The following HEATR1 variants were observed in gnomAD, a reference collection of about 807,000 sequenced individuals.
The protein encoded by HEATR1 is HEAT repeat containing 1, also known as HEAT repeat-containing protein 1.
A neutral mutation model predicts 248.2 loss-of-function variants in HEATR1; 77 were observed. That is an observed-to-expected ratio of 0.31 (90% CI 0.26 to 0.37). The LOEUF (loss-of-function observed/expected upper bound fraction) is 0.37, where lower values mean the gene tolerates loss of function less well. HEATR1 is among the 10% of genes least tolerant of loss of function. The pLI, the probability that HEATR1 is intolerant of heterozygous loss-of-function variation, is 1.00. For synonymous variants in HEATR1, 897 were observed against 923.1 expected (o/e 0.97, Z 0.51); for missense variants, 2,420 against 2,504.9 (o/e 0.97, Z 0.72).
At chr1:236,551,960 C>A (rs1388151190) in intron 44 of HEATR1, 39 bp downstream of exon 44, 1 of 1,312,398 alleles carries the variant, frequency 7.6e-7, no homozygotes, top group Non-Finnish European at 1.1e-6. Context: ...CTGAATTATT[C>A]CTTAATTGTT....
intron 32 of HEATR1, among the ~76,000 whole-genome samples, chr1:236,563,649 T>C (rs1165149672): frequency 6.6e-6 from 1 of 152,198 alleles, no homozygotes; most frequent in Non-Finnish European, 1.5e-5. Flanking sequence ...TTTCCCTTCT[T>C]CATCTGTTAA....
At chr1:236,571,862 T>A (rs1046970083) in intron 26 of HEATR1, among the ~76,000 whole-genome samples, 176 bp from the exon 27 acceptor site, 1 of 152,216 alleles carries the variant, frequency 6.6e-6, no homozygotes, top group African/African-American at 2.4e-5. Flanking sequence ...CTAACTCTAA[T>A]TTTCTCTCAT....
chr1:236,596,808 A>T, intron 6 of HEATR1, 28 bp downstream of exon 6: 3 of 1,556,866 alleles, frequency 1.9e-6, no homozygotes, highest in South Asian at 2.4e-5. Context: ...GTACAAAATA[A>T]TCTACTTAAC....
chr1:236,572,958 C>T lies in HEATR1; in HGVS notation c.3460-130G>A, dbSNP rs1029585986. ...ATGACTTACTGGATATGCATCTGAACCCCCCCCAGCATTGGATGCTACTAC... is the reference window on the plus strand; with the variant it reads ...ATGACTTACTGGATATGCATCTGAATCCCCCCCAGCATTGGATGCTACTAC... On this transcript the variant is annotated intron_variant, in intron 24 of 44. Transcript: ENST00000366582. 5.4e-6 allele frequency: 4 copies of T among 745,220 alleles called. 1 individual carries two copies. The highest frequency in any genetic ancestry group is 8.8e-6 in the Non-Finnish European group (4 of 456,812). The allele number at this position is 745,220 out of a possible 1,614,324, so 46.2% of individuals were successfully genotyped here. A position where few individuals can be genotyped will look rare whatever the true frequency, so the allele number is the denominator to read the frequency against.
rs567346304 is a variant in HEATR1 at position 236,573,437 on chromosome 1, C to T, written c.3460-609G>A. ...TAAGGTTCTAACATCACAACTAAATCTTTGGATTCTGATTCAAAGAAAACA... is the reference window on the plus strand; with the variant it reads ...TAAGGTTCTAACATCACAACTAAATTTTTGGATTCTGATTCAAAGAAAACA... On this transcript the variant is annotated intron_variant, in intron 24 of 44. Transcript: ENST00000366582. Among the ~76,000 whole-genome samples the T allele has an allele frequency of 2.0e-5, 3 of 152,260 alleles. No individual in the cohort carries two copies. In the South Asian group the frequency reaches 6.2e-4, roughly 32 times the overall value.
chr1:236,554,673 T>C lies in HEATR1; in HGVS notation c.6003A>G (p.Lys2001=). 1 of 1,613,540 alleles carries C rather than the reference T, an allele frequency of 6.2e-7. No homozygotes were observed. The highest frequency in any genetic ancestry group is 1.1e-5 in the South Asian group (1 of 90,876). Residue 2001 remains lysine (K), a synonymous_variant, in exon 42 of 45, where the codon AAA becomes AAG. Coordinates refer to ENST00000366582, the MANE Select transcript of HEATR1 (RefSeq NM_018072.6). ...LLQFILNCLY[K]IFLFDTQHFI... is the part of the protein sequence containing the mutation. ...AATGCTGGGTATCAAAAAGGAAGAT[T>C]TTGTATAAACAGTTCAAAATAAACT...
At chr1:236,571,544 C>T (rs200488253) in intron 27 of HEATR1, 24 bp downstream of exon 27, 106 of 1,613,046 alleles carry the variant, frequency 6.6e-5, no homozygotes, top group East Asian at 6.5e-4. Context: ...ATTTTTCTAA[C>T]CTTTCCTTCC....
Position 236,572,845 on chromosome 1 carries a change from A to G in HEATR1, c.3460-17T>C. 2 of 1,594,320 alleles carry G rather than the reference A, an allele frequency of 1.3e-6. No individual in the cohort carries two copies. Among genetic ancestry groups the G allele is most frequent in the East Asian group, 2.2e-5 (1 of 44,792 alleles). On this transcript the variant is annotated splice_polypyrimidine_tract_variant and intron_variant, in intron 24 of 44. Coordinates refer to ENST00000366582, the MANE Select transcript of HEATR1 (RefSeq NM_018072.6). ...AACGGAAATCTGAAATATTGAAGGAAGAAGAGTTGATGATATAATCCATTG... is the reference window on the plus strand; with the variant it reads ...AACGGAAATCTGAAATATTGAAGGAGGAAGAGTTGATGATATAATCCATTG...
At chr1:236,556,330 C>A (rs1662976189) in intron 37 of HEATR1, 72 bp from the exon 38 acceptor site, 48 of 1,475,684 alleles carry the variant, frequency 3.3e-5, no homozygotes, top group Non-Finnish European at 4.5e-5. Flanking sequence ...TACAGAGAGG[C>A]TTCATGATGA....
In HEATR1 at chr1:236,599,601, T is replaced by C. The variant is rs146181190; in HGVS notation, c.383A>G (p.Gln128Arg). ...CAGAACACAAGCAATGAGGCTATCT[T>C]GATTATAGAGATGTATATGGAACCT... ...IHRFHIHLYNQDSLIACVLPY... is the reference protein window; with the variant it reads ...IHRFHIHLYNRDSLIACVLPY... Residue 128 changes from glutamine (Q) to arginine (R), a missense_variant, in exon 4 of 45, where the codon CAA becomes CGA. Gln to Arg is a conservative substitution (Grantham distance 43). Coordinates refer to ENST00000366582, the MANE Select transcript of HEATR1 (RefSeq NM_018072.6). The C allele has an allele frequency of 3.7e-6, 6 of 1,612,734 alleles. No individual in the cohort carries two copies. The highest frequency in any genetic ancestry group is 4.2e-6 in the Non-Finnish European group (5 of 1,179,322).
chr1:236,586,492 G>A (rs772833240), intron 14 of HEATR1, 40 bp from the exon 15 acceptor site: 8 of 1,456,128 alleles, frequency 5.5e-6, no homozygotes, highest in Non-Finnish European at 3.8e-6. Context: ...AAGACACATT[G>A]GAAGGCTTCA....
chr1:236,564,296 TCA>T (rs759971014), intron 32 of HEATR1, among the ~76,000 whole-genome samples, 200 bp downstream of exon 32: 2 of 152,216 alleles, frequency 1.3e-5, no homozygotes, highest in East Asian at 3.9e-4. Flanking sequence ...AACCACTGAG[TCA>T]CAGAGTTTAC....
chr1:236,579,048 AG>A (rs1208605048), intron 20 of HEATR1, among the ~76,000 whole-genome samples: 1 of 152,242 alleles, frequency 6.6e-6, no homozygotes, highest in Non-Finnish European at 1.5e-5. Flanking sequence ...TGAAATACTA[AG>A]ATAAAGCTTG....
Position 236,594,829 on chromosome 1 carries a change from ACT to A in HEATR1, c.1090+709_1090+710del, listed in dbSNP as rs533482036. ...ATTATTATTTTTGAGATAGGGTCTC[ACT>A]CTGTCGCCCAGGCTGAACTGCAGTG... is the stretch of plus-strand genomic sequence containing the variant. On this transcript the variant is annotated intron_variant, in intron 8 of 44. Transcript: ENST00000366582. 9.4e-3 allele frequency among the ~76,000 whole-genome samples: 1,431 copies of A among 152,130 alleles called. 6 individuals carry two copies. The highest frequency in any genetic ancestry group is 0.017 in the Middle Eastern group (5 of 294).
intron 36 of HEATR1, 139 bp from the exon 37 acceptor site, chr1:236,557,484 T>C: frequency 1.3e-6 from 1 of 793,498 alleles, no homozygotes; most frequent in Admixed American, 2.9e-5. Flanking sequence ...AAGCAGTGTC[T>C]ATACATTTTA....
At chr1:236,577,922 A>T (rs977702344) in intron 20 of HEATR1, among the ~76,000 whole-genome samples, 11 of 152,214 alleles carry the variant, frequency 7.2e-5, no homozygotes, top group Non-Finnish European at 1.5e-4. Flanking sequence ...CTGCACATAC[A>T]GCCTTGTACA....
intron 4 of HEATR1, among the ~76,000 whole-genome samples, chr1:236,598,560 C>T (rs544489644): frequency 1.3e-5 from 2 of 152,268 alleles, no homozygotes; most frequent in East Asian, 3.9e-4. Context: ...AATTTTGATG[C>T]TATGGGCAGA....
chr1:236,596,080 C>T (rs1664170841), intron 6 of HEATR1, 36 bp from the exon 7 acceptor site: 1 of 1,442,890 alleles, frequency 6.9e-7, no homozygotes, highest in East Asian at 2.3e-5. Flanking sequence ...AAATGATAAA[C>T]CATATTATTT....
chr1:236,603,407 C>A (rs980866474), intron 2 of HEATR1, 31 bp from the exon 3 acceptor site: 1 of 1,578,612 alleles, frequency 6.3e-7, no homozygotes, highest in African/African-American at 1.3e-5. Context: ...GTTTATTTAA[C>A]AATTCTTCGT....
Sources: allele counts gnomAD v4.1 joint callset (sites outside exome capture counted in the v4.1 genomes callset), GRCh38; gene constraint gnomAD v4.1.1; transcripts MANE v1.5; gene names NCBI Gene and HGNC (gene_info 2026-07-23, HGNC 2026-07-21).